The following ZNF678 variants were observed in gnomAD, a reference collection of about 807,000 sequenced individuals.
ZNF678 encodes the protein hypothetical protein MGC42493.
In ZNF678, 5 loss-of-function variants were observed where a neutral mutation model predicts 3.0. That is an observed-to-expected ratio of 1.69 (90% CI 0.88 to 3.56). The LOEUF (loss-of-function observed/expected upper bound fraction) is 3.56, where lower values mean the gene tolerates loss of function less well. Among genes scored for constraint, ZNF678 ranks in the 30% most tolerant of loss-of-function variants. ZNF678 has a pLI of 0.00. For missense variants in ZNF678, 593 were observed against 605.0 expected, an observed-to-expected ratio of 0.98 and a Z score of 0.21; for synonymous variants, 218 against 199.6, an observed-to-expected ratio of 1.09 and a Z score of -0.78.
At chr1:227,637,845 G>T (rs1049954926) in intron 1 of ZNF678, among the ~76,000 whole-genome samples, 1 of 152,132 alleles carries the variant, frequency 6.6e-6, no homozygotes, top group Non-Finnish European at 1.5e-5. Flanking sequence ...AGGGATGTGC[G>T]GTCAGTTGTG....
At chr1:227,664,846 T>G (rs1014491816), downstream of ZNF678, among the ~76,000 whole-genome samples, 1 of 151,888 alleles carries the variant, frequency 6.6e-6, no homozygotes, top group Non-Finnish European at 1.5e-5. Context: ...GCTACTGATT[T>G]CTCACGCTCC....
At chr1:227,643,663 A>T (rs1658879095) in intron 1 of ZNF678, among the ~76,000 whole-genome samples, 1 of 152,082 alleles carries the variant, frequency 6.6e-6, no homozygotes. Context: ...TTTTAATTAA[A>T]ATCTGTGTTT....
intron 1 of ZNF678, among the ~76,000 whole-genome samples, chr1:227,632,053 A>G (rs1253190051): frequency 6.6e-6 from 1 of 152,190 alleles, no homozygotes; most frequent in Admixed American, 6.5e-5. Flanking sequence ...TTGGGGGAGT[A>G]GAGCACCTTA....
chr1:227,628,794 A>G (rs1658478814), intron 1 of ZNF678, among the ~76,000 whole-genome samples: 3 of 152,230 alleles, frequency 2.0e-5, no homozygotes, highest in African/African-American at 7.2e-5. Context: ...CAAGTATGAG[A>G]ACTGGCTCAA....
intron 1 of ZNF678, among the ~76,000 whole-genome samples, chr1:227,600,871 A>G (rs1657721261): frequency 6.6e-6 from 1 of 152,200 alleles, no homozygotes; most frequent in African/African-American, 2.4e-5. Context: ...CTGTATGTCC[A>G]GGATGGTACT....
chr1:227,584,898 G>A (rs1657218162), intron 1 of ZNF678, among the ~76,000 whole-genome samples: 1 of 152,206 alleles, frequency 6.6e-6, no homozygotes, highest in South Asian at 2.1e-4. Flanking sequence ...AGGATGAAGT[G>A]TTCTTGCTAA....
In ZNF678 at chr1:227,657,340, A is replaced by G. The variant is rs1019034733; in HGVS notation, c.*1512A>G. On this transcript the variant is annotated 3_prime_UTR_variant, in exon 4 of 4. Coordinates refer to ENST00000343776, the MANE Select transcript of ZNF678 (RefSeq NM_001367909.1). ...TGTTGATGTCATGCTTGTATAGCCA[A>G]CAGAACTGAGGCTAATAAACCTCTT... The G allele has an allele frequency of 2.0e-5, 3 of 151,980 alleles. No individual in the cohort carries two copies. Among genetic ancestry groups the G allele is most frequent in the Non-Finnish European group, 4.4e-5 (3 of 67,896 alleles). 9.4% of individuals were successfully genotyped at this position (151,980 alleles called of 1,614,324 possible).
intron 1 of ZNF678, among the ~76,000 whole-genome samples, chr1:227,602,705 C>T (rs1418481735): frequency 6.6e-6 from 1 of 152,226 alleles, no homozygotes; most frequent in East Asian, 1.9e-4. Context: ...AAGCATCCTT[C>T]CTCCTCCTAG....
intron 2 of ZNF678, among the ~76,000 whole-genome samples, chr1:227,650,558 A>G (rs187751412): frequency 5.6e-4 from 86 of 152,242 alleles, no homozygotes; most frequent in African/African-American, 1.9e-3. Flanking sequence ...TATTGAATCT[A>G]TTGATTGCTT....
In ZNF678 at chr1:227,654,331, T is replaced by G. The variant is rs369768128; in HGVS notation, c.86-5T>G. 1 of 1,500,546 alleles carries G rather than the reference T, an allele frequency of 6.7e-7. No homozygotes were observed. The highest frequency in any genetic ancestry group is 1.4e-5 in the African/African-American group (1 of 71,142). The allele number at this position is 1,500,546 out of a possible 1,614,324, so 93.0% of individuals were successfully genotyped here. ...AGAATAACTTTTTATTTTTATTTCT[T>G]TCAGCTATTTTATCTTATTCCATTC... On this transcript the variant is annotated splice_region_variant and splice_polypyrimidine_tract_variant and intron_variant, in intron 3 of 3. Transcript: ENST00000343776.
intron 1 of ZNF678, among the ~76,000 whole-genome samples, chr1:227,632,593 C>A (rs960511435): frequency 3.3e-5 from 5 of 152,096 alleles, no homozygotes; most frequent in African/African-American, 1.2e-4. Context: ...TCAACGCTCC[C>A]AACCCAGAAG....
intron 1 of ZNF678, among the ~76,000 whole-genome samples, chr1:227,564,581 C>T (rs1022006954): frequency 1.3e-5 from 2 of 152,206 alleles, no homozygotes; most frequent in African/African-American, 4.8e-5. Flanking sequence ...AGTTTCTTTC[C>T]AAAATTCATA....
At chr1:227,577,952 A>G (rs181658510) in intron 1 of ZNF678, among the ~76,000 whole-genome samples, 1 of 152,034 alleles carries the variant, frequency 6.6e-6, no homozygotes, top group South Asian at 2.1e-4. Flanking sequence ...TTCCCTCAGC[A>G]TTTGCTTGTC....
At chr1:227,608,295 G>A (rs1303594549) in intron 1 of ZNF678, among the ~76,000 whole-genome samples, 1 of 151,662 alleles carries the variant, frequency 6.6e-6, no homozygotes, top group African/African-American at 2.4e-5. Flanking sequence ...TTAAGGATTA[G>A]GTGAGTACTA....
At position 227,671,103 on chromosome 1, in the gene ZNF678, A is replaced by G. The variant is rs1175749225; in HGVS notation, c.227-6076A>G. On this transcript the variant is annotated intron_variant, in intron 5 of 5. Coordinates refer to the ZNF678 transcript ENST00000608949. ...TTTTTTTTTTTTTTCTTAAGACAGGATCTCACTCTGTTGCTCAGACTGGAG... is the reference window on the plus strand; with the variant it reads ...TTTTTTTTTTTTTTCTTAAGACAGGGTCTCACTCTGTTGCTCAGACTGGAG... Among the ~76,000 whole-genome samples, 4 of 131,024 alleles carry G rather than the reference A, an allele frequency of 3.1e-5. No individual in the cohort carries two copies. In the East Asian group the frequency reaches 9.0e-4, roughly 30 times the overall value. 86.0% of individuals were successfully genotyped at this position (131,024 alleles called of 152,430 possible). A position where few individuals can be genotyped will look rare whatever the true frequency, so the allele number is the denominator to read the frequency against.
chr1:227,612,084 T>C (rs1165798406), intron 1 of ZNF678, among the ~76,000 whole-genome samples: 5 of 152,142 alleles, frequency 3.3e-5, no homozygotes, highest in African/African-American at 9.7e-5. Context: ...GGAAAGCTAT[T>C]GCACTGCTGC....
At chr1:227,663,918 G>T (rs927201569), downstream of ZNF678, among the ~76,000 whole-genome samples, 1 of 152,182 alleles carries the variant, frequency 6.6e-6, no homozygotes, top group Non-Finnish European at 1.5e-5. Flanking sequence ...CCCAGTGCTA[G>T]ATATGCTCGG....
chr1:227,603,892 TG>T (rs1657798945), intron 1 of ZNF678, among the ~76,000 whole-genome samples: 1 of 152,232 alleles, frequency 6.6e-6, no homozygotes, highest in South Asian at 2.1e-4. Flanking sequence ...CCATTCTATC[TG>T]TAGACATTCA....
At chr1:227,591,394 A>G (rs181537976) in intron 1 of ZNF678, among the ~76,000 whole-genome samples, 60 of 152,336 alleles carry the variant, frequency 3.9e-4, no homozygotes, top group African/African-American at 1.4e-3. Context: ...AGTAGCCTAA[A>G]TGACACAAGA....
Sources: allele counts gnomAD v4.1 joint callset (sites outside exome capture counted in the v4.1 genomes callset), GRCh38; gene constraint gnomAD v4.1.1; transcripts MANE v1.5; gene names NCBI Gene and HGNC (gene_info 2026-07-23, HGNC 2026-07-21).